Variants in REXO5 observed in about 807,000 individuals in gnomAD.
REXO5 encodes the protein RNA exonuclease 5.
A neutral mutation model predicts 88.5 loss-of-function variants in REXO5; 48 were observed. The ratio of observed to expected loss-of-function variants is 0.54; its 90% confidence interval spans 0.43 to 0.69. The LOEUF (loss-of-function observed/expected upper bound fraction) is 0.69. Ranked by LOEUF, REXO5 falls within the 30% of genes least tolerant of loss-of-function variation. The pLI is 0.00. For missense variants in REXO5, 749 were observed against 912.2 expected, an observed-to-expected ratio of 0.82 and a Z score of 2.30; for synonymous variants, 311 against 336.5, an observed-to-expected ratio of 0.92 and a Z score of 0.83.
chr16:20,827,013 C>CT (rs1477652418), intron 8 of REXO5, 45 bp from the exon 9 acceptor site: 17 of 1,581,060 alleles, frequency 1.1e-5, no homozygotes, highest in Non-Finnish European at 1.5e-5. Flanking sequence ...GAGAGGAAAA[C>CT]TTGTTAATAT....
Position 20,845,062 on chromosome 16 carries a change from A to C in REXO5, c.1945A>C (p.Ser649Arg). Residue 649 changes from serine to arginine, a missense_variant, in exon 18 of 20, where the codon AGT becomes CGT. Coordinates refer to ENST00000261377, the MANE Select transcript of REXO5 (RefSeq NM_030941.3). ...GGGGTTCTTGCTTTCAGAATTCAAA[A>C]GTTTTGGCAGTGCCCAGCAGGCCCT... Reference protein sequence around the residue: ...QKKYCFLKFKSFGSAQQALNI... With the variant: ...QKKYCFLKFKRFGSAQQALNI... 6.2e-7 allele frequency: 1 copy of C among 1,612,410 alleles called. No individual in the cohort carries two copies. Among genetic ancestry groups the C allele is most frequent in the Non-Finnish European group, 8.5e-7 (1 of 1,179,032 alleles).
chr16:20,829,915 A>G (rs1407419122), intron 11 of REXO5, among the ~76,000 whole-genome samples: 1 of 152,228 alleles, frequency 6.6e-6, no homozygotes, highest in Non-Finnish European at 1.5e-5. Context: ...TTTGCAGATC[A>G]TATTGTCTTT....
intron 15 of REXO5, among the ~76,000 whole-genome samples, chr16:20,841,582 A>T (rs1299808149): frequency 6.6e-6 from 1 of 152,214 alleles, no homozygotes; most frequent in Non-Finnish European, 1.5e-5. Flanking sequence ...TAGATATTTT[A>T]AAATGGCTGT....
At chr16:20,847,029 G>A (rs750599973) in intron 19 of REXO5, among the ~76,000 whole-genome samples, 1 of 152,176 alleles carries the variant, frequency 6.6e-6, no homozygotes, top group African/African-American at 2.4e-5. Context: ...ATGAATGAGT[G>A]TATATTGGGG....
intron 6 of REXO5, among the ~76,000 whole-genome samples, chr16:20,823,282 T>C (rs1462276633): frequency 6.6e-6 from 1 of 152,196 alleles, no homozygotes; most frequent in Non-Finnish European, 1.5e-5. Flanking sequence ...ATAAATTTTA[T>C]TTTTTTAATT....
chr16:20,813,362 T>G, intron 3 of REXO5, 60 bp downstream of exon 3: 1 of 868,322 alleles, frequency 1.2e-6, no homozygotes, highest in Non-Finnish European at 1.7e-6. Flanking sequence ...TTTTTTTTTT[T>G]TTACCTCTCC....
At chr16:20,821,951 C>A (rs1312683567) in intron 6 of REXO5, 49 bp downstream of exon 6, 1 of 1,469,656 alleles carries the variant, frequency 6.8e-7, no homozygotes, top group Admixed American at 2.5e-5. Flanking sequence ...GAATATCTAA[C>A]AGCTTATTTA....
chr16:20,827,036 A>G (rs372702050), intron 8 of REXO5, 22 bp from the exon 9 acceptor site: 1 of 1,613,088 alleles, frequency 6.2e-7, no homozygotes, highest in African/African-American at 1.3e-5. Flanking sequence ...TAGCCTGTCC[A>G]TTTCTCTTTT....
chr16:20,826,700 G>A (rs13337246), intron 8 of REXO5, among the ~76,000 whole-genome samples: 2,837 of 152,304 alleles, frequency 0.019, 83 homozygotes, highest in African/African-American at 0.064. Flanking sequence ...GGAATACTCT[G>A]TAACCATTTA....
At chr16:20,808,975 C>T (rs1050720549) in intron 2 of REXO5, 1 of 151,724 alleles carries the variant, frequency 6.6e-6, no homozygotes, top group African/African-American at 2.4e-5. Context: ...ATTCACCTGC[C>T]TCAGCCTCCC....
chr16:20,826,006 A>G, intron 8 of REXO5, 58 bp downstream of exon 8: 1 of 1,112,248 alleles, frequency 9.0e-7, no homozygotes, highest in Admixed American at 2.0e-5. Flanking sequence ...ATGGAATAAT[A>G]CTTAAGAATG....
chr16:20,806,490 G>T, upstream of REXO5: 1 of 1,547,906 alleles, frequency 6.5e-7, no homozygotes, highest in Non-Finnish European at 8.7e-7. Context: ...TTCTACTTCC[G>T]GTCCGTTCAA....
chr16:20,828,546 C>G lies in REXO5; in HGVS notation c.1158+9C>G. ...AGCATGGCCCAAAAAAGGTTAGTAT[C>G]TTTGCCCAGTGTGTTCACCTTTTCT... is the stretch of plus-strand genomic sequence containing the variant. On this transcript the variant is annotated intron_variant, in intron 11 of 19. Transcript: ENST00000261377. The G allele has an allele frequency of 6.3e-7, 1 of 1,576,120 alleles. No individual in the cohort carries two copies. Among genetic ancestry groups the G allele is most frequent in the East Asian group, 2.2e-5 (1 of 44,676 alleles).
Position 20,845,037 on chromosome 16 carries a change from G to A in REXO5, c.1937-17G>A. The A allele has an allele frequency of 6.2e-7, 1 of 1,610,378 alleles. No homozygotes were observed. The highest frequency in any genetic ancestry group is 1.1e-5 in the South Asian group (1 of 90,850). ...TCTTGGCCCTTAATAACATAAGGTG[G>A]GGGTTCTTGCTTTCAGAATTCAAAA... On this transcript the variant is annotated splice_polypyrimidine_tract_variant and intron_variant, in intron 17 of 19. Coordinates refer to ENST00000261377, the MANE Select transcript of REXO5 (RefSeq NM_030941.3).
At chr16:20,814,268 G>A (rs1026528764) in intron 3 of REXO5, among the ~76,000 whole-genome samples, 4 of 152,134 alleles carry the variant, frequency 2.6e-5, no homozygotes, top group Admixed American at 6.5e-5. Flanking sequence ...ATGGAGCCTC[G>A]CTCTGTCACC....
In REXO5 at chr16:20,826,998, T is replaced by C; in HGVS notation, c.822-60T>C. The C allele has an allele frequency of 1.9e-6, 3 of 1,551,462 alleles. No individual in the cohort carries two copies. In the Admixed American group the frequency reaches 5.5e-5, roughly 28 times the overall value. On this transcript the variant is annotated intron_variant, in intron 8 of 19. Transcript: ENST00000261377. ...AAAAAATGTTATTTTTAAAATCACT[T>C]TCCAGAGAGGAAAACTTGTTAATAT...
chr16:20,806,877 C>T, intron 1 of REXO5, 75 bp from the exon 2 acceptor site: 5 of 1,514,764 alleles, frequency 3.3e-6, no homozygotes, highest in Non-Finnish European at 4.4e-6. Flanking sequence ...CCGTGTAGCT[C>T]TCCCGCTAGG....
intron 8 of REXO5, among the ~76,000 whole-genome samples, chr16:20,826,475 C>T (rs1016376435): frequency 6.6e-6 from 1 of 152,160 alleles, no homozygotes; most frequent in Non-Finnish European, 1.5e-5. Flanking sequence ...CATCCGTTGA[C>T]GTGGCACCAG....
Position 20,827,413 on chromosome 16 carries a change from T to C in REXO5, c.1021T>C (p.Phe341Leu). ...LLYVREQGRR[F>L]KLKFLAKVIL... is the part of the protein sequence containing the mutation. ...TTATGTCAGAGAGCAGGGCAGAAGA[T>C]TTAAGCTCAAGTTCTTAGCCAAAGT... The change falls in exon 10 of 20, where the codon TTT becomes CTT. Residue 341 changes from phenylalanine to leucine, a missense_variant. By Grantham distance (22) the Phe-to-Leu change is conservative (BLOSUM62 0). Coordinates refer to ENST00000261377, the MANE Select transcript of REXO5 (RefSeq NM_030941.3). The C allele has an allele frequency of 6.2e-7, 1 of 1,613,606 alleles. No individual in the cohort carries two copies. Among genetic ancestry groups the C allele is most frequent in the Non-Finnish European group, 8.5e-7 (1 of 1,179,872 alleles).
Sources: gnomAD v4.1 joint callset for allele counts (sites outside exome capture counted in the v4.1 genomes callset) on GRCh38, gnomAD v4.1.1 for gene constraint, MANE v1.5 for transcripts, NCBI Gene and HGNC (gene_info 2026-07-23, HGNC 2026-07-21) for gene names.